Variants in GRIA4 observed in about 807,000 individuals in gnomAD.
The protein encoded by GRIA4 is glutamate receptor 4.
GRIA4 carries 34 observed loss-of-function variants against 104.0 expected under a neutral mutation model. The ratio of observed to expected loss-of-function variants is 0.33; its 90% CI spans 0.25 to 0.44. The LOEUF (loss-of-function observed/expected upper bound fraction) is 0.44. Among genes scored for constraint, GRIA4 ranks in the 20% least tolerant of loss-of-function variants. GRIA4 has a pLI of 1.00. For synonymous variants in GRIA4, 386 were observed against 381.9 expected (o/e 1.01, Z -0.13); for missense variants, 750 against 1,096.5 (o/e 0.68, Z 4.46).
intron 3 of GRIA4, among the ~76,000 whole-genome samples, chr11:105,708,704 T>G (rs1477722365): frequency 1.3e-5 from 2 of 151,882 alleles, no homozygotes; most frequent in African/African-American, 4.8e-5. Context: ...TAAGTAAAAA[T>G]ATTATGGATG....
chr11:105,676,535 ACTATAT>A (rs1952543720), intron 3 of GRIA4, among the ~76,000 whole-genome samples: 2 of 151,724 alleles, frequency 1.3e-5, no homozygotes, highest in South Asian at 4.1e-4. Context: ...AAAAAGAATC[ACTATAT>A]CTATAAGGTA....
intron 3 of GRIA4, among the ~76,000 whole-genome samples, chr11:105,639,435 T>G (rs746068420): frequency 3.3e-5 from 5 of 152,026 alleles, no homozygotes; most frequent in African/African-American, 4.8e-5. Context: ...GCAGTCATAT[T>G]TCCTATTCAT....
rs1433407146 is a variant in GRIA4 at position 105,838,375 on chromosome 11, C to T, written c.488-23649C>T. ...CAGCCCACTACTTTATAGTTACATA[C>T]ATTATACTCTCATGGCTCCCAGGTA... On this transcript the variant is annotated intron_variant, in intron 4 of 16. Transcript: ENST00000282499. Among the ~76,000 whole-genome samples, 4 of 152,280 alleles carry T rather than the reference C, an allele frequency of 2.6e-5. No homozygotes were observed. The East Asian group carries it at 7.7e-4, about 29-fold the overall frequency.
chr11:105,807,628 T>C (rs1399933006), intron 4 of GRIA4, among the ~76,000 whole-genome samples: 1 of 151,906 alleles, frequency 6.6e-6, no homozygotes, highest in Non-Finnish European at 1.5e-5. Context: ...TGTGTTTTGA[T>C]GTCAATTTCT....
At chr11:105,957,876 G>C (rs971206301) in intron 14 of GRIA4, among the ~76,000 whole-genome samples, 3 of 152,078 alleles carry the variant, frequency 2.0e-5, no homozygotes, top group African/African-American at 7.2e-5. Context: ...TGAAGCAATT[G>C]TGAATGGGAG....
chr11:105,854,097 G>C (rs1357016553), intron 4 of GRIA4, among the ~76,000 whole-genome samples: 1 of 152,140 alleles, frequency 6.6e-6, no homozygotes, highest in Non-Finnish European at 1.5e-5. Flanking sequence ...TCTAGGCACA[G>C]TGAACAAAAC....
chr11:105,684,546 C>CATAT (rs72399419), intron 3 of GRIA4, among the ~76,000 whole-genome samples: 44,327 of 144,722 alleles, frequency 0.31, 7,110 homozygotes, highest in South Asian at 0.4. Flanking sequence ...TATATATATA[C>CATAT]ATATATATAT....
At chr11:105,693,448 A>C (rs1370819941) in intron 3 of GRIA4, among the ~76,000 whole-genome samples, 1 of 152,162 alleles carries the variant, frequency 6.6e-6, no homozygotes, top group African/African-American at 2.4e-5. Context: ...TGATTGATGC[A>C]GAGCAATCTA....
chr11:105,838,363 T>G (rs1944270393), intron 4 of GRIA4, among the ~76,000 whole-genome samples: 3 of 152,194 alleles, frequency 2.0e-5, no homozygotes, highest in African/African-American at 7.2e-5. Flanking sequence ...CCCACTACTT[T>G]ATAGTTACAT....
At chr11:105,855,287 C>G (rs1944970002) in intron 4 of GRIA4, among the ~76,000 whole-genome samples, 1 of 152,120 alleles carries the variant, frequency 6.6e-6, no homozygotes, top group Admixed American at 6.6e-5. Context: ...AGGTTTGACA[C>G]TCAAAATTAT....
chr11:105,842,120 G>A (rs549541127), intron 4 of GRIA4, among the ~76,000 whole-genome samples: 2 of 152,264 alleles, frequency 1.3e-5, no homozygotes, highest in East Asian at 3.9e-4. Flanking sequence ...TCAAGATAGA[G>A]GAAAGAGCAT....
chr11:105,747,664 C>T (rs181052761), intron 3 of GRIA4, among the ~76,000 whole-genome samples: 3 of 152,188 alleles, frequency 2.0e-5, no homozygotes, highest in Admixed American at 2.0e-4. Flanking sequence ...AGATAGTTTA[C>T]TATTGGGAGA....
chr11:105,841,228 T>C (rs548911204), intron 4 of GRIA4, among the ~76,000 whole-genome samples: 9 of 151,124 alleles, frequency 6.0e-5, no homozygotes, highest in African/African-American at 2.0e-4. Flanking sequence ...CAGAGTGGGT[T>C]CTTCAAAAAA....
Position 105,637,463 on chromosome 11 carries a change from A to T in GRIA4, c.247+25029A>T, listed in dbSNP as rs1011366146. On this transcript the variant is annotated intron_variant, in intron 3 of 16. Transcript: ENST00000282499. ...AAATAGGTTTGCATTTGTTAGCACAATTTTTTGTAAATATTCACTGAGTGT... is the reference window on the plus strand; with the variant it reads ...AAATAGGTTTGCATTTGTTAGCACATTTTTTTGTAAATATTCACTGAGTGT... Among the ~76,000 whole-genome samples the T allele has an allele frequency of 3.9e-5, 6 of 151,944 alleles. No homozygotes were observed. The South Asian group carries it at 8.3e-4, about 21-fold the overall frequency.
intron 3 of GRIA4, among the ~76,000 whole-genome samples, chr11:105,656,222 G>C (rs747979878): frequency 6.6e-6 from 1 of 151,860 alleles, no homozygotes; most frequent in African/African-American, 2.4e-5. Context: ...GTAGATTCTG[G>C]ATATTACTAT....
intron 14 of GRIA4, among the ~76,000 whole-genome samples, chr11:105,947,673 A>C (rs137896626): frequency 5.6e-4 from 85 of 152,324 alleles, no homozygotes; most frequent in African/African-American, 1.9e-3. Flanking sequence ...GAAAGTGTCC[A>C]AACTAATAGC....
At chr11:105,967,071 C>T (rs1858413754) in intron 14 of GRIA4, among the ~76,000 whole-genome samples, 1 of 151,980 alleles carries the variant, frequency 6.6e-6, no homozygotes, top group Non-Finnish European at 1.5e-5. Context: ...TACTAATAGC[C>T]TAGCATTCTT....
At chr11:105,846,281 A>AT (rs1944592820) in intron 4 of GRIA4, among the ~76,000 whole-genome samples, 1 of 152,154 alleles carries the variant, frequency 6.6e-6, no homozygotes, top group Admixed American at 6.5e-5. Flanking sequence ...ATTATTTAAA[A>AT]TTTTATTGCA....
chr11:105,976,067 C>T (rs1333484924), intron 16 of GRIA4, among the ~76,000 whole-genome samples: 2 of 151,980 alleles, frequency 1.3e-5, no homozygotes, highest in South Asian at 4.1e-4. Context: ...TTAATGTTTA[C>T]AGAGTTGATG....
Sources: allele counts gnomAD v4.1 joint callset (sites outside exome capture counted in the v4.1 genomes callset), GRCh38; gene constraint gnomAD v4.1.1; transcripts MANE v1.5; gene names NCBI Gene and HGNC (gene_info 2026-07-23, HGNC 2026-07-21).